Variants in MZT2A observed in about 807,000 individuals in gnomAD.
MZT2A encodes mitotic-spindle organizing protein 2A.
In MZT2A, 8 loss-of-function variants were observed where a neutral mutation model predicts 12.4. The ratio of observed to expected loss-of-function variants is 0.64; its 90% CI spans 0.38 to 1.16. The LOEUF is 1.16. Ranked by LOEUF, MZT2A falls within the 50% of genes most tolerant of loss-of-function variation. The pLI, the probability that MZT2A is intolerant of heterozygous loss-of-function variation, is 0.01. For missense variants in MZT2A, 181 were observed against 223.6 expected, an observed-to-expected ratio of 0.81 and a Z score of 1.22; for synonymous variants, 88 against 107.5, an observed-to-expected ratio of 0.82 and a Z score of 1.12.
At chr2:131,470,776 C>T (rs1430845824) in intron 3 of MZT2A, among the ~76,000 whole-genome samples, 1 of 147,152 alleles carries the variant, frequency 6.8e-6, no homozygotes, top group Non-Finnish European at 1.5e-5. Flanking sequence ...TCAGGCCAGG[C>T]ACTCATGCCT....
At chr2:131,477,667 G>C (rs1325382670) in intron 2 of MZT2A, among the ~76,000 whole-genome samples, 3 of 151,192 alleles carry the variant, frequency 2.0e-5, no homozygotes, top group African/African-American at 7.4e-5. Flanking sequence ...GTCAGCCTTC[G>C]AGAGCACAGA....
intron 2 of MZT2A, chr2:131,490,757 G>A (rs865801885): frequency 4.5e-6 from 7 of 1,549,592 alleles, no homozygotes; most frequent in Non-Finnish European, 6.1e-6. Context: ...GAGGGAACCC[G>A]GGGGGCCTGG....
downstream of MZT2A, chr2:131,482,575 C>T (rs748910733): frequency 1.9e-6 from 3 of 1,610,536 alleles, no homozygotes; most frequent in South Asian, 1.1e-5. Flanking sequence ...ACCAGCCCCC[C>T]ACAGTGGTCC....
chr2:131,492,394 A>T lies in MZT2A; in HGVS notation c.-18T>A. 6.3e-6 allele frequency: 8 copies of T among 1,267,512 alleles called. No individual in the cohort carries two copies. The highest frequency in any genetic ancestry group is 1.6e-5 in the African/African-American group (1 of 63,892). 78.5% of individuals were successfully genotyped at this position (1,267,512 alleles called of 1,614,324 possible). A position where few individuals can be genotyped will look rare whatever the true frequency, so the allele number is the denominator to read the frequency against. ...GCCGCCATCCGCGAGGCCCGCCGAA[A>T]GGTGCGCCCCGCCCCGCCGCGCCCC... On this transcript the variant is annotated 5_prime_UTR_variant, in exon 1 of 3. Transcript: ENST00000309451.
At chr2:131,493,138 C>A, upstream of MZT2A, 1 of 1,465,948 alleles carries the variant, frequency 6.8e-7, no homozygotes, top group Non-Finnish European at 9.0e-7. Context: ...ATGGGTCCCA[C>A]AGGTGAGTGG....
At chr2:131,471,899 G>A (rs1704994103) in intron 3 of MZT2A, among the ~76,000 whole-genome samples, 1 of 152,200 alleles carries the variant, frequency 6.6e-6, no homozygotes, top group Admixed American at 6.5e-5. Flanking sequence ...TGTAGCAACT[G>A]GGCACAGCAG....
chr2:131,490,603 G>A, intron 2 of MZT2A: 1 of 1,545,710 alleles, frequency 6.5e-7, no homozygotes, highest in Non-Finnish European at 8.7e-7. Context: ...GCGGTGGCCT[G>A]CATGATCCTG....
At chr2:131,475,059 C>T (rs1237198735) in intron 2 of MZT2A, among the ~76,000 whole-genome samples, 1 of 152,066 alleles carries the variant, frequency 6.6e-6, no homozygotes, top group African/African-American at 2.4e-5. Context: ...CTCCCAGGTT[C>T]AAGGGATTCT....
Position 131,484,193 on chromosome 2 carries a change from G to A in MZT2A, c.345C>T (p.Leu115=), listed in dbSNP as rs766576081. Residue 115 remains leucine (L), a synonymous_variant, in exon 3 of 3, where the codon CTC becomes CTT. Coordinates refer to ENST00000309451, the MANE Select transcript of MZT2A (RefSeq NM_001085365.2). ...GTTCCGCCAGGGCCAATACTCCCCC[G>A]AGGGCAGCGCTGCCTTTGTCTCTCC... is the stretch of plus-strand genomic sequence containing the variant. ...TRGRDKGSAA[L]GGVLALAERS... 1.2e-5 allele frequency: 20 copies of A among 1,613,910 alleles called. No homozygotes were observed. The highest frequency in any genetic ancestry group is 1.5e-5 in the Non-Finnish European group (18 of 1,179,936).
chr2:131,478,076 A>G (rs1678734665), intron 2 of MZT2A: 1 of 1,518,028 alleles, frequency 6.6e-7, no homozygotes, highest in Non-Finnish European at 8.9e-7. Context: ...GAAGCAGTAT[A>G]TAAATATTAA....
intron 2 of MZT2A, among the ~76,000 whole-genome samples, chr2:131,474,405 C>CTTTTTTT (rs70994777): frequency 1.4e-4 from 13 of 94,834 alleles, no homozygotes; most frequent in East Asian, 1.3e-3. Context: ...TCTTCTTCTT[C>CTTTTTTT]TTTTTTTTTT....
chr2:131,482,608 G>A (rs565617151), downstream of MZT2A: 14 of 1,614,054 alleles, frequency 8.7e-6, no homozygotes, highest in South Asian at 1.2e-4. Context: ...TGGCCAAGGT[G>A]CAGCGGGCCG....
intron 2 of MZT2A, among the ~76,000 whole-genome samples, chr2:131,473,838 C>T (rs149640164): frequency 0.065 from 8,266 of 126,728 alleles, 919 homozygotes; most frequent in African/African-American, 0.2. Flanking sequence ...GGTGTGCCTT[C>T]CCCTTTCCTG....
chr2:131,489,925 C>G (rs1289632401), intron 2 of MZT2A: 2 of 976,718 alleles, frequency 2.0e-6, no homozygotes, highest in African/African-American at 3.5e-5. Context: ...TGAGTGAGTG[C>G]TAAGTGAGCA....
upstream of MZT2A, chr2:131,493,194 C>G: frequency 7.2e-7 from 1 of 1,394,452 alleles, no homozygotes. Context: ...GGGGCTTCCG[C>G]GAGCCCCTGC....
At chr2:131,480,379 G>A, downstream of MZT2A, 1 of 1,606,890 alleles carries the variant, frequency 6.2e-7, no homozygotes, top group South Asian at 1.1e-5. Flanking sequence ...AACCTCAATC[G>A]CCTGATTGGG....
chr2:131,474,821 T>C (rs1678598351), intron 2 of MZT2A, among the ~76,000 whole-genome samples: 1 of 144,404 alleles, frequency 6.9e-6, no homozygotes, highest in South Asian at 2.1e-4. Flanking sequence ...ACAGCAAGAC[T>C]TCTTCTCTAA....
chr2:131,486,143 C>T (rs1006404927), intron 2 of MZT2A, among the ~76,000 whole-genome samples: 10 of 151,046 alleles, frequency 6.6e-5, no homozygotes, highest in African/African-American at 2.5e-4. Context: ...GTCAGGAACA[C>T]GTGGTGGGTG....
intron 2 of MZT2A, among the ~76,000 whole-genome samples, chr2:131,474,824 T>C (rs10194170): frequency 0.17 from 25,878 of 151,982 alleles, 4,038 homozygotes; most frequent in African/African-American, 0.41. Flanking sequence ...GCAAGACTTC[T>C]TCTCTAATTT....
Sources: allele counts gnomAD v4.1 joint callset (sites outside exome capture counted in the v4.1 genomes callset), GRCh38; gene constraint gnomAD v4.1.1; transcripts MANE v1.5; gene names NCBI Gene and HGNC (gene_info 2026-07-23, HGNC 2026-07-21).